PGAP6: variants seen among roughly 807,000 people sequenced by gnomAD.
PGAP6 encodes post-GPI attachment to proteins factor 6.
A neutral mutation model predicts 68.4 loss-of-function variants in PGAP6; 62 were observed. The observed-to-expected ratio is 0.91, with a 90% CI of 0.74 to 1.12. The LOEUF is 1.12. Among genes scored for constraint, PGAP6 ranks in the 50% most tolerant of loss-of-function variants. The pLI is 0.00. For synonymous variants in PGAP6, 575 were observed against 474.0 expected, an observed-to-expected ratio of 1.21 and a Z score of -2.77; for missense variants, 1,188 against 1,068.5, an observed-to-expected ratio of 1.11 and a Z score of -1.56.
intron 11 of PGAP6, among the ~76,000 whole-genome samples, chr16:373,420 C>T (rs1573732): frequency 0.55 from 82,928 of 151,716 alleles, 23,008 homozygotes; most frequent in South Asian, 0.67. Context: ...GGGGGCTTCT[C>T]GAAGGCAGGG....
upstream of PGAP6, chr16:382,185 C>CG (rs1053996384): frequency 1.0e-5 from 4 of 390,714 alleles, no homozygotes; most frequent in African/African-American, 6.3e-5. Context: ...GGAGGGATCG[C>CG]GGGGGTCCCA....
chr16:383,813 G>C (rs1322706957), upstream of PGAP6, among the ~76,000 whole-genome samples: 2 of 151,426 alleles, frequency 1.3e-5, no homozygotes, highest in African/African-American at 4.9e-5. Flanking sequence ...ATACCTGTTT[G>C]TACCTTTTGA....
chr16:378,914 C>T (rs375640323), intron 1 of PGAP6, among the ~76,000 whole-genome samples: 32 of 152,322 alleles, frequency 2.1e-4, no homozygotes, highest in African/African-American at 7.0e-4. Flanking sequence ...TGGAGAAGGG[C>T]CCGTGGGAGA....
chr16:386,162 C>G (rs2054483738), upstream of PGAP6, among the ~76,000 whole-genome samples: 1 of 151,914 alleles, frequency 6.6e-6, no homozygotes, highest in Non-Finnish European at 1.5e-5. Flanking sequence ...CAGCTTTCCA[C>G]AGTCGGTGTG....
rs374708904 is a variant in PGAP6, at chr16:372,053, C to T, written c.2250G>A (p.Ser750=). 51 of 1,612,570 alleles carry T rather than the reference C, an allele frequency of 3.2e-5. No homozygotes were observed. Among genetic ancestry groups the T allele is most frequent in the East Asian group, 1.6e-4 (7 of 44,862 alleles). Residue 750 remains serine, a synonymous_variant, in exon 13 of 13, where the codon TCG becomes TCA. Coordinates refer to ENST00000431232, the MANE Select transcript of PGAP6 (RefSeq NM_021259.3). ...PDQPAEPWAC[S]QKFPCHYQIC... ...TCTGATAGTGGCAGGGGAATTTCTG[C>T]GAGCAGGCCCAGGGCTCGGCGGGCT...
rs148452725 is a variant in PGAP6 at position 373,526 on chromosome 16, T to A, written c.1902+479A>T. On this transcript the variant is annotated intron_variant, in intron 11 of 12. Transcript: ENST00000431232. ...CTGCCTGCGGGGTCTCAGACCCGCA[T>A]CTCCGTGTGGCATCACAGAAGACAT... is the stretch of plus-strand genomic sequence containing the variant. Among the ~76,000 whole-genome samples the A allele has an allele frequency of 1.8e-4, 28 of 152,314 alleles. No homozygotes were observed. In the East Asian group the frequency reaches 2.1e-3, roughly 12 times the overall value.
intron 9 of PGAP6, 47 bp downstream of exon 9, chr16:374,709 A>C: frequency 6.2e-7 from 1 of 1,606,240 alleles, no homozygotes; most frequent in Non-Finnish European, 8.5e-7. Context: ...CAGCACTGGA[A>C]GCCAACAGCA....
Position 372,174 on chromosome 16 carries a change from G to A in PGAP6, c.2129C>T (p.Thr710Ile), listed in dbSNP as rs763501757. 2 of 1,612,918 alleles carry A rather than the reference G, an allele frequency of 1.2e-6. No individual in the cohort carries two copies. Among genetic ancestry groups the A allele is most frequent in the South Asian group, 1.1e-5 (1 of 91,088 alleles). Residue 710 changes from threonine to isoleucine, a missense_variant, in exon 13 of 13, where the codon ACC (threonine) becomes ATC (isoleucine). By Grantham distance (89) the Thr-to-Ile change is moderately conservative. Transcript: ENST00000431232. ...SMASVGIAIYTSMMTSDNYYY... is the reference protein window; with the variant it reads ...SMASVGIAIYISMMTSDNYYY... The stretch of plus-strand genomic sequence containing the variant: ...GTAGTTGTCGCTAGTCATCATGGAG[G>A]TGTAGATGGCGATGCCCACAGAGGC...
upstream of PGAP6, among the ~76,000 whole-genome samples, chr16:385,344 T>TCG (rs1392138583): frequency 3.2e-5 from 4 of 123,830 alleles, no homozygotes; most frequent in East Asian, 2.5e-4. Context: ...AGACGGAGCC[T>TCG]CACTGTCGCC....
chr16:386,043 A>T (rs188270409), upstream of PGAP6, among the ~76,000 whole-genome samples: 313 of 152,232 alleles, frequency 2.1e-3, 2 homozygotes, highest in Middle Eastern at 3.4e-3. Flanking sequence ...CCAAACAAAC[A>T]GGAAGACCCT....
upstream of PGAP6, among the ~76,000 whole-genome samples, chr16:384,672 T>C (rs1282985845): frequency 1.3e-5 from 2 of 151,652 alleles, no homozygotes; most frequent in Non-Finnish European, 2.9e-5. Context: ...TGGGCTAACA[T>C]GGTGAAACCC....
At chr16:382,934 A>AG (rs2054456470), upstream of PGAP6, among the ~76,000 whole-genome samples, 1 of 152,060 alleles carries the variant, frequency 6.6e-6, no homozygotes, top group Non-Finnish European at 1.5e-5. Context: ...AAAATACTGA[A>AG]GGACAGCTGC....
chr16:377,659 G>A lies in PGAP6; in HGVS notation c.299+12C>T, dbSNP rs747879680. 1 of 1,574,704 alleles carries A rather than the reference G, an allele frequency of 6.4e-7. No homozygotes were observed. The highest frequency in any genetic ancestry group is 1.2e-5 in the South Asian group (1 of 86,436). On this transcript the variant is annotated intron_variant, in intron 2 of 12. Transcript: ENST00000431232. ...CGCGGGAGGGTGGGCAGGCGGGCGG[G>A]CAGCCACCTACACGGTGATCTCCGC... is the stretch of plus-strand genomic sequence containing the variant.
chr16:377,621 G>T, intron 2 of PGAP6, 36 bp from the exon 3 acceptor site: 1 of 1,569,588 alleles, frequency 6.4e-7, no homozygotes, highest in East Asian at 2.4e-5. Context: ...TTCAGGCACA[G>T]GGCTTGGCCA....
chr16:378,348 T>A (rs79301466), intron 1 of PGAP6, among the ~76,000 whole-genome samples: 1 of 7,070 alleles, frequency 1.4e-4, no homozygotes, highest in Non-Finnish European at 2.5e-4. Flanking sequence ...CCATCGCCAC[T>A]CTGACTGCCA....
At position 374,735 on chromosome 16, in the gene PGAP6, G is replaced by A. The variant is rs571333161; in HGVS notation, c.1576+21C>T. ...GCCAACAGCAGCAGCGTCTCGGGGC[G>A]GGCGGGGCCCTGGCACTCACCTGCC... On this transcript the variant is annotated intron_variant, in intron 9 of 12. Transcript: ENST00000431232. 1.7e-5 allele frequency: 27 copies of A among 1,611,722 alleles called. No homozygotes were observed. In the East Asian group the frequency reaches 1.8e-4, roughly 11 times the overall value.
chr16:372,294 C>T lies in PGAP6; in HGVS notation c.2020-11G>A. On this transcript the variant is annotated splice_polypyrimidine_tract_variant and intron_variant, in intron 12 of 12. Transcript: ENST00000431232. ...CCCGCAGCGGTAAGCCTGGAGAAAA[C>T]AGCCACGCAGGTATCAGTGCAGGTG... 1 of 1,603,314 alleles carries T rather than the reference C, an allele frequency of 6.2e-7. No individual in the cohort carries two copies. Among genetic ancestry groups the T allele is most frequent in the Non-Finnish European group, 8.5e-7 (1 of 1,178,500 alleles).
At chr16:380,987 G>A (rs369793985) in intron 1 of PGAP6, among the ~76,000 whole-genome samples, 1 of 152,334 alleles carries the variant, frequency 6.6e-6, no homozygotes, top group South Asian at 2.1e-4. Context: ...AAGGCCTGAC[G>A]GTCTCCACAC....
chr16:377,480 G>A lies in PGAP6; in HGVS notation c.405C>T (p.Thr135=), dbSNP rs1236941757. 11 of 1,608,422 alleles carry A rather than the reference G, an allele frequency of 6.8e-6. No homozygotes were observed. Among genetic ancestry groups the A allele is most frequent in the Middle Eastern group, 1.6e-4 (1 of 6,072 alleles). The stretch of plus-strand genomic sequence containing the variant: ...TGACGGAGGCATTGCTTCTCGGTGT[G>A]GTGCTCAGCGGCACCCCGACCTGGA... The part of the protein sequence containing the change: ...PSFQVGVPLS[T]TPRSNASVNV... The change falls in exon 3 of 13, where the codon ACC becomes ACT. Residue 135 remains threonine, a synonymous_variant. Coordinates refer to ENST00000431232, the MANE Select transcript of PGAP6 (RefSeq NM_021259.3).
Sources: gnomAD v4.1 joint callset for allele counts (sites outside exome capture counted in the v4.1 genomes callset) on GRCh38, gnomAD v4.1.1 for gene constraint, MANE v1.5 for transcripts, NCBI Gene and HGNC (gene_info 2026-07-23, HGNC 2026-07-21) for gene names.